The following CACNA1C variants were observed in gnomAD, a reference collection of about 807,000 sequenced individuals.
CACNA1C encodes voltage-dependent L-type calcium channel subunit alpha-1C.
Under a neutral mutation model 229.0 loss-of-function variants are expected in CACNA1C, and 30 were observed. The ratio of observed to expected loss-of-function variants is 0.13; its 90% CI spans 0.10 to 0.18. CACNA1C has a LOEUF of 0.18. Among genes scored for constraint, CACNA1C ranks in the 10% least tolerant of loss-of-function variants. The pLI is 1.00. For synonymous variants in CACNA1C, 1,114 were observed against 1,132.5 expected (o/e 0.98, Z 0.33); for missense variants, 1,658 against 2,845.0 (o/e 0.58, Z 9.49).
At chr12:2,676,154 G>A (rs1218419753) in intron 39 of CACNA1C, 1 of 152,204 alleles carries the variant, frequency 6.6e-6, no homozygotes, top group African/African-American at 2.4e-5. Flanking sequence ...AGGGAACCTA[G>A]GACTCCAGGT....
Position 2,691,240 on chromosome 12 carries a change from T to A in CACNA1C, c.*41T>A, listed in dbSNP as rs1304075675. On this transcript the variant is annotated 3_prime_UTR_variant, in exon 47 of 47. Coordinates refer to ENST00000399655, the MANE Select transcript of CACNA1C (RefSeq NM_000719.7). ...GCGGGCTTTTTTTTATTTGTTTCAA[T>A]GTTCCTAATGGGTTCGTTTCAGAAG... 6.7e-7 allele frequency: 1 copy of A among 1,496,024 alleles called. No individual in the cohort carries two copies. Among genetic ancestry groups the A allele is most frequent in the Admixed American group, 2.4e-5 (1 of 42,520 alleles). The allele number at this position is 1,496,024 out of a possible 1,614,324, so 92.7% of individuals were successfully genotyped here.
chr12:2,584,737 C>T, intron 16 of CACNA1C, 120 bp downstream of exon 16: 1 of 679,280 alleles, frequency 1.5e-6, no homozygotes. Context: ...CCTAGGAGGA[C>T]TCTGGGTTTG....
chr12:2,263,003 C>T (rs888062275), intron 3 of CACNA1C, among the ~76,000 whole-genome samples: 1 of 152,050 alleles, frequency 6.6e-6, no homozygotes, highest in Non-Finnish European at 1.5e-5. Context: ...AATATAAATA[C>T]GATACATAAT....
At chr12:2,682,743 C>G in intron 43 of CACNA1C, 65 bp downstream of exon 43, 2 of 1,539,706 alleles carry the variant, frequency 1.3e-6, no homozygotes, top group Non-Finnish European at 1.8e-6. Flanking sequence ...GAGGCAGAGG[C>G]AGGTCCCTGA....
rs554624551 is a variant in CACNA1C, at chr12:1,994,817, CA to C, written c.139+23617del. On this transcript the variant is annotated intron_variant, in intron 1 of 46. Transcript: ENST00000682462. ...CATCTCATAATTTAGAAAATAGGCC[CA>C]GGGGATAAATGTGCCAACTGCTCTA... Among the ~76,000 whole-genome samples, 254 of 152,292 alleles carry C rather than the reference CA, an allele frequency of 1.7e-3. 1 individual carries two copies. The highest frequency in any genetic ancestry group is 5.9e-3 in the African/African-American group (247 of 41,556).
chr12:2,473,405 T>G (rs1465463677), intron 5 of CACNA1C, among the ~76,000 whole-genome samples: 1 of 152,230 alleles, frequency 6.6e-6, no homozygotes, highest in African/African-American at 2.4e-5. Context: ...GTGCTTGAAC[T>G]GTAGCTCTTT....
intron 43 of CACNA1C, among the ~76,000 whole-genome samples, chr12:2,685,168 CATCGAGTTTCCAT>C (rs1269206196): frequency 6.6e-6 from 1 of 152,028 alleles, no homozygotes; most frequent in Non-Finnish European, 1.5e-5. Context: ...ATCTACTTCT[CATCGAGTTTCCAT>C]CAAAGGCCTG....
intron 1 of CACNA1C, among the ~76,000 whole-genome samples, chr12:2,088,981 G>A (rs2068917761): frequency 6.6e-6 from 1 of 152,168 alleles, no homozygotes; most frequent in Admixed American, 6.5e-5. Context: ...TGTGCGCGCA[G>A]ACCTATATTC....
In CACNA1C at chr12:2,067,750, G is replaced by A. The variant is rs532974224; in HGVS notation, c.49+14139G>A. Among the ~76,000 whole-genome samples the A allele has an allele frequency of 1.7e-4, 26 of 152,170 alleles. No individual in the cohort carries two copies. The highest frequency in any genetic ancestry group is 3.2e-4 in the Non-Finnish European group (22 of 68,006). On this transcript the variant is annotated intron_variant, in intron 1 of 46. Transcript: ENST00000399655. This position sits in a 1 kb window ranked among gnomAD's most constrained non-coding sequence, Gnocchi z 5.3. ...CTGCACTGTTAACCTCAGTCAGGGC[G>A]CAACGGTAGAAAGGAGGAGTGATGG... is the stretch of plus-strand genomic sequence containing the variant.
At chr12:2,315,176 G>A (rs1406292314) in intron 3 of CACNA1C, among the ~76,000 whole-genome samples, 1 of 152,138 alleles carries the variant, frequency 6.6e-6, no homozygotes, top group Non-Finnish European at 1.5e-5. Flanking sequence ...TTTCCACAAA[G>A]TGCCTTATTT....
intron 3 of CACNA1C, among the ~76,000 whole-genome samples, chr12:2,274,267 T>G (rs538736734): frequency 1.3e-5 from 2 of 152,348 alleles, no homozygotes; most frequent in Admixed American, 1.3e-4. Flanking sequence ...CGAGTCGTTC[T>G]CACTGCGTGT....
chr12:2,107,068 C>T lies in CACNA1C; in HGVS notation c.50-8156C>T, dbSNP rs1455182792. On this transcript the variant is annotated intron_variant, in intron 1 of 46. Transcript: ENST00000399655. ...TGGGGTGTCCTGAAACCACTGGGTGCTCACCCCAGGGAGGGTTTCCACTTC... is the reference window on the plus strand; with the variant it reads ...TGGGGTGTCCTGAAACCACTGGGTGTTCACCCCAGGGAGGGTTTCCACTTC... Among the ~76,000 whole-genome samples, 4 of 100,154 alleles carry T rather than the reference C, an allele frequency of 4.0e-5. 1 individual carries two copies. The East Asian group carries it at 1.3e-3, about 33-fold the overall frequency. 65.7% of individuals were successfully genotyped at this position (100,154 alleles called of 152,430 possible).
chr12:2,623,746 A>C (rs2084680065), intron 29 of CACNA1C, among the ~76,000 whole-genome samples: 1 of 152,160 alleles, frequency 6.6e-6, no homozygotes, highest in Non-Finnish European at 1.5e-5. Context: ...CCAACGGAAG[A>C]CAAGACAGGC....
Position 2,479,046 on chromosome 12 carries a change from A to G in CACNA1C, c.758-7058A>G, listed in dbSNP as rs2099648900. On this transcript the variant is annotated intron_variant, in intron 5 of 46. Coordinates refer to ENST00000399655, the MANE Select transcript of CACNA1C (RefSeq NM_000719.7). The surrounding 1 kb of genome is among the most constrained non-coding windows in gnomAD (Gnocchi z 4.3). ...CTGAGGATGGAAAACTTCATTCTAG[A>G]TTCCCCTGTGGGAGAAGCTGGTGTT... Among the ~76,000 whole-genome samples the G allele has an allele frequency of 6.6e-6, 1 of 151,960 alleles. No individual in the cohort carries two copies. The highest frequency in any genetic ancestry group is 2.4e-5 in the African/African-American group (1 of 41,356).
chr12:2,244,606 G>T (rs1413702574), intron 3 of CACNA1C, among the ~76,000 whole-genome samples: 9 of 152,230 alleles, frequency 5.9e-5, no homozygotes, highest in African/African-American at 2.2e-4. Context: ...AGTCTGCCGT[G>T]TAGGGCATGA....
intron 3 of CACNA1C, among the ~76,000 whole-genome samples, chr12:2,291,018 A>C (rs2093440655): frequency 6.6e-6 from 1 of 152,198 alleles, no homozygotes; most frequent in Admixed American, 6.5e-5. Context: ...TCAAATCCCC[A>C]GTTCTACCAA....
At chr12:2,355,952 C>T (rs967234029) in intron 3 of CACNA1C, among the ~76,000 whole-genome samples, 3 of 152,228 alleles carry the variant, frequency 2.0e-5, no homozygotes, top group Non-Finnish European at 4.4e-5. Flanking sequence ...GACACAGCTG[C>T]TTGCATCTTG....
At chr12:2,148,447 G>A (rs2094925157) in intron 3 of CACNA1C, among the ~76,000 whole-genome samples, 1 of 151,218 alleles carries the variant, frequency 6.6e-6, no homozygotes, top group South Asian at 2.1e-4. Context: ...GGCTCCAGGG[G>A]TTCTGGGTCA....
At chr12:2,341,986 G>A (rs1474306891) in intron 3 of CACNA1C, among the ~76,000 whole-genome samples, 2 of 152,212 alleles carry the variant, frequency 1.3e-5, no homozygotes, top group Non-Finnish European at 2.9e-5. Context: ...GCTTGGGTAT[G>A]CTTCGACCCA....
Sources: gnomAD v4.1 joint callset for allele counts (sites outside exome capture counted in the v4.1 genomes callset) on GRCh38, gnomAD v4.1.1 for gene constraint, Gnocchi (gnomAD v3.1) non-coding constraint, MANE v1.5 for transcripts, NCBI Gene and HGNC (gene_info 2026-07-23, HGNC 2026-07-21) for gene names.